The following RNF152 variants were observed in gnomAD, a reference collection of about 807,000 sequenced individuals.
The protein encoded by RNF152 is ring finger protein 152, also known as E3 ubiquitin-protein ligase RNF152.
RNF152 carries 11 observed loss-of-function variants against 12.7 expected under a neutral mutation model. The ratio of observed to expected loss-of-function variants is 0.86; its 90% CI spans 0.54 to 1.43. The LOEUF (loss-of-function observed/expected upper bound fraction) is 1.43, where lower values mean the gene tolerates loss of function less well. RNF152 is among the 40% of genes most tolerant of loss of function. The pLI is 0.00. For synonymous variants in RNF152, 113 were observed against 120.3 expected (o/e 0.94, Z 0.40); for missense variants, 255 against 274.8 (o/e 0.93, Z 0.51).
intron 1 of RNF152, among the ~76,000 whole-genome samples, chr18:61,823,292 C>T (rs1373622933): frequency 6.6e-6 from 1 of 152,150 alleles, no homozygotes; most frequent in Non-Finnish European, 1.5e-5. Flanking sequence ...TGAAAATTGT[C>T]GTTTAAACAT....
intron 1 of RNF152, among the ~76,000 whole-genome samples, chr18:61,879,761 C>T (rs1035982514): frequency 6.6e-6 from 1 of 151,774 alleles, no homozygotes; most frequent in African/African-American, 2.4e-5. Context: ...GTCAGGAGTT[C>T]GAGACCAGCC....
intron 1 of RNF152, among the ~76,000 whole-genome samples, chr18:61,869,579 C>T (rs576058259): frequency 6.6e-6 from 1 of 152,294 alleles, no homozygotes; most frequent in Admixed American, 6.5e-5. Flanking sequence ...CTCACACCTT[C>T]AATAAAGGAT....
At chr18:61,885,321 T>C (rs1255448754) in intron 1 of RNF152, among the ~76,000 whole-genome samples, 1 of 152,084 alleles carries the variant, frequency 6.6e-6, no homozygotes, top group Admixed American at 6.6e-5. Context: ...TTTGTTTGTT[T>C]GTTTGAGACA....
chr18:61,843,123 T>C (rs1910525680), intron 1 of RNF152, among the ~76,000 whole-genome samples: 1 of 152,160 alleles, frequency 6.6e-6, no homozygotes, highest in South Asian at 2.1e-4. Context: ...ACCTGCTCTG[T>C]GGGAAGGATT....
chr18:61,846,366 T>A (rs1910745199), intron 1 of RNF152, among the ~76,000 whole-genome samples: 1 of 152,160 alleles, frequency 6.6e-6, no homozygotes, highest in Non-Finnish European at 1.5e-5. Flanking sequence ...GGCCCCCTTC[T>A]CATCTCCCTC....
intron 1 of RNF152, among the ~76,000 whole-genome samples, chr18:61,872,743 T>C (rs2144740153): frequency 1.3e-5 from 2 of 152,302 alleles, no homozygotes; most frequent in Middle Eastern, 3.4e-3. Flanking sequence ...CGCAGCTATT[T>C]GTTGTGCTAT....
intron 1 of RNF152, among the ~76,000 whole-genome samples, chr18:61,838,270 A>C (rs1910280777): frequency 6.6e-6 from 1 of 152,254 alleles, no homozygotes; most frequent in Non-Finnish European, 1.5e-5. Context: ...CCTTCAGTGA[A>C]TTGAATTAAT....
chr18:61,879,692 G>A (rs1044458735), intron 1 of RNF152, among the ~76,000 whole-genome samples: 11 of 152,118 alleles, frequency 7.2e-5, no homozygotes, highest in South Asian at 2.1e-4. Flanking sequence ...GGCCAGGCAC[G>A]ATGGCTCACA....
At chr18:61,838,216 C>G (rs1910279001) in intron 1 of RNF152, among the ~76,000 whole-genome samples, 1 of 152,208 alleles carries the variant, frequency 6.6e-6, no homozygotes, top group African/African-American at 2.4e-5. Flanking sequence ...TGTTCATTAT[C>G]TTTGCAAACA....
intron 1 of RNF152, among the ~76,000 whole-genome samples, chr18:61,818,265 A>T (rs867912035): frequency 6.6e-6 from 1 of 152,118 alleles, no homozygotes; most frequent in African/African-American, 2.4e-5. Context: ...TCTACAAAAA[A>T]TACAAAAACT....
At chr18:61,892,464 C>T (rs1436123667) in intron 1 of RNF152, among the ~76,000 whole-genome samples, 1 of 152,162 alleles carries the variant, frequency 6.6e-6, no homozygotes, top group Non-Finnish European at 1.5e-5. Flanking sequence ...AAATCTATTA[C>T]TACAGATAAG....
At position 61,875,572 on chromosome 18, in the gene RNF152, C is replaced by A. The variant is rs76967642; in HGVS notation, c.-136+17223G>T. On this transcript the variant is annotated intron_variant, in intron 1 of 1. Coordinates refer to ENST00000312828, the MANE Select transcript of RNF152 (RefSeq NM_173557.3). ...TAATGACCATCTGGGCGTGGATTACCCACGAAGGTCAGCTCTGACCTGTCC... is the reference window on the plus strand; with the variant it reads ...TAATGACCATCTGGGCGTGGATTACACACGAAGGTCAGCTCTGACCTGTCC... Among the ~76,000 whole-genome samples the A allele has an allele frequency of 3.5e-4, 53 of 151,444 alleles. 4 individuals are homozygous for A. In the East Asian group the frequency reaches 0.01, roughly 29 times the overall value.
chr18:61,855,555 GC>G (rs1161886559), intron 1 of RNF152, among the ~76,000 whole-genome samples: 5 of 152,226 alleles, frequency 3.3e-5, no homozygotes, highest in Non-Finnish European at 5.9e-5. Context: ...CGCAGTAGAA[GC>G]CACGTGCAGT....
intron 1 of RNF152, among the ~76,000 whole-genome samples, chr18:61,822,292 C>CATATTACTGTTCA (rs1909455445): frequency 6.6e-6 from 1 of 152,016 alleles, no homozygotes; most frequent in Non-Finnish European, 1.5e-5. Context: ...TACATAGTTA[C>CATATTACTGTTCA]ATAAATAATA....
At chr18:61,885,985 C>CTTTTTTTTT (rs558169838) in intron 1 of RNF152, among the ~76,000 whole-genome samples, 10 of 81,708 alleles carry the variant, frequency 1.2e-4, no homozygotes, top group Non-Finnish European at 2.3e-4. Context: ...CTTTTGCTTT[C>CTTTTTTTTT]TTTTTTTTTT....
chr18:61,857,229 A>G (rs1243793507), intron 1 of RNF152, among the ~76,000 whole-genome samples: 2 of 152,172 alleles, frequency 1.3e-5, no homozygotes, highest in African/African-American at 2.4e-5. Context: ...ACACTTTTCT[A>G]TTTTGCAGAT....
In RNF152 at chr18:61,815,978, T is replaced by A. The variant is rs550350354; in HGVS notation, c.486A>T (p.Lys162Asn). The A allele has an allele frequency of 6.2e-7, 1 of 1,613,636 alleles. No individual in the cohort carries two copies. The highest frequency in any genetic ancestry group is 1.7e-5 in the Admixed American group (1 of 59,972). The change falls in exon 2 of 2, where the codon AAA becomes AAT. Residue 162 changes from lysine (K) to asparagine (N), a missense_variant. Transcript: ENST00000312828. ...EEEQDRRGVVKSSTWSGVCTV... is the reference protein window; with the variant it reads ...EEEQDRRGVVNSSTWSGVCTV... ...TGCACACCCCCGACCAGGTGGAGCTTTTCACCACGCCCCGCCTGTCCTGCT... is the reference window on the plus strand; with the variant it reads ...TGCACACCCCCGACCAGGTGGAGCTATTCACCACGCCCCGCCTGTCCTGCT...
At chr18:61,882,945 C>T (rs1912526610) in intron 1 of RNF152, among the ~76,000 whole-genome samples, 1 of 152,150 alleles carries the variant, frequency 6.6e-6, no homozygotes, top group South Asian at 2.1e-4. Flanking sequence ...AAAGACAAAG[C>T]AACTTGTCTG....
chr18:61,893,298 G>T (rs1459006769), upstream of RNF152: 1 of 152,272 alleles, frequency 6.6e-6, no homozygotes, highest in African/African-American at 2.4e-5. Context: ...AGTCAGCCGC[G>T]CAGACAGGCA....
Sources: allele counts gnomAD v4.1 joint callset (sites outside exome capture counted in the v4.1 genomes callset), GRCh38; gene constraint gnomAD v4.1.1; transcripts MANE v1.5; gene names NCBI Gene and HGNC (gene_info 2026-07-23, HGNC 2026-07-21).